TMEM178A: variants seen among roughly 807,000 people sequenced by gnomAD.
The protein encoded by TMEM178A is transmembrane protein 178.
A neutral mutation model predicts 29.1 loss-of-function variants in TMEM178A; 12 were observed. That is an observed-to-expected ratio of 0.41 (90% confidence interval 0.26 to 0.67). The LOEUF (loss-of-function observed/expected upper bound fraction) is 0.67. Ranked by LOEUF, TMEM178A falls within the 30% of genes least tolerant of loss-of-function variation. TMEM178A has a pLI of 0.29. For synonymous variants in TMEM178A, 210 were observed against 187.2 expected, an observed-to-expected ratio of 1.12 and a Z score of -0.99; for missense variants, 366 against 419.1, an observed-to-expected ratio of 0.87 and a Z score of 1.11.
At chr2:39,681,788 T>C (rs2148067347) in intron 1 of TMEM178A, among the ~76,000 whole-genome samples, 1 of 152,336 alleles carries the variant, frequency 6.6e-6, no homozygotes, top group Middle Eastern at 3.4e-3. Context: ...CAACTTTCTC[T>C]CACAAAACTC....
chr2:39,677,704 C>T (rs1670688219), intron 1 of TMEM178A, among the ~76,000 whole-genome samples: 1 of 151,924 alleles, frequency 6.6e-6, no homozygotes, highest in African/African-American at 2.4e-5. Flanking sequence ...AAGTCAAAAC[C>T]TTTCCAGCAA....
chr2:39,709,567 G>A (rs899618720), intron 3 of TMEM178A, among the ~76,000 whole-genome samples: 1 of 152,092 alleles, frequency 6.6e-6, no homozygotes, highest in Non-Finnish European at 1.5e-5. Flanking sequence ...AAGCAGACGC[G>A]GGCAGCAAAG....
At chr2:39,706,987 T>C (rs538040203) in intron 2 of TMEM178A, 62 bp from the exon 3 acceptor site, 1 of 1,549,028 alleles carries the variant, frequency 6.5e-7, no homozygotes, top group Admixed American at 2.0e-5. Flanking sequence ...GCCCTAATTC[T>C]CTAATTCTTA....
At chr2:39,703,883 T>C (rs775945139) in intron 1 of TMEM178A, among the ~76,000 whole-genome samples, 198 bp from the exon 2 acceptor site, 18 of 152,226 alleles carry the variant, frequency 1.2e-4, no homozygotes, top group Non-Finnish European at 1.9e-4. Context: ...GTATAGATCC[T>C]TATACAATTT....
At chr2:39,728,488 C>T in the TMEM178A span, among the ~76,000 whole-genome samples, 1 of 152,118 alleles carries the variant, frequency 6.6e-6, no homozygotes, top group Non-Finnish European at 1.5e-5. Flanking sequence ...CTGGGCCACA[C>T]TCTGTACCCT....
intron 1 of TMEM178A, among the ~76,000 whole-genome samples, chr2:39,685,238 C>A (rs1342661168): frequency 6.6e-6 from 1 of 152,148 alleles, no homozygotes; most frequent in East Asian, 1.9e-4. Flanking sequence ...TCTCCACAGC[C>A]CAGGCCTGCA....
intron 1 of TMEM178A, among the ~76,000 whole-genome samples, chr2:39,668,605 T>G (rs886295875): frequency 5.9e-5 from 9 of 152,220 alleles, no homozygotes; most frequent in African/African-American, 2.2e-4. Context: ...TTAATAACAA[T>G]GTAAATTTAG....
intron 1 of TMEM178A, among the ~76,000 whole-genome samples, chr2:39,689,764 A>G (rs977854734): frequency 6.6e-6 from 1 of 152,250 alleles, no homozygotes; most frequent in Non-Finnish European, 1.5e-5. Context: ...CCTGAAAGCC[A>G]CACAAAAACA....
intron 3 of TMEM178A, among the ~76,000 whole-genome samples, chr2:39,716,040 T>C (rs1020348287): frequency 1.3e-5 from 2 of 152,206 alleles, no homozygotes; most frequent in Admixed American, 6.5e-5. Flanking sequence ...AGTCAATAAA[T>C]GTTGTCTCTG....
At chr2:39,734,830 T>G in the TMEM178A span, among the ~76,000 whole-genome samples, 1 of 152,182 alleles carries the variant, frequency 6.6e-6, no homozygotes, top group Non-Finnish European at 1.5e-5. Context: ...CTTCAGTCAT[T>G]CCTGTCTCCT....
At chr2:39,707,694 G>A (rs1039935309) in intron 3 of TMEM178A, among the ~76,000 whole-genome samples, 1 of 152,162 alleles carries the variant, frequency 6.6e-6, no homozygotes, top group African/African-American at 2.4e-5. Flanking sequence ...TCGAACTCCT[G>A]ACCTCAGGTG....
chr2:39,690,813 A>G (rs1479273000), intron 1 of TMEM178A, among the ~76,000 whole-genome samples: 3 of 152,260 alleles, frequency 2.0e-5, no homozygotes. Context: ...TCTGTAAACT[A>G]CAAGAGAACG....
rs192303039 is a variant in TMEM178A at position 39,685,059 on chromosome 2, T to C, written c.400+18685T>C. On this transcript the variant is annotated intron_variant, in intron 1 of 3. Transcript: ENST00000281961. ...TGCAAGGGCCACAGTAAAATGTTTT[T>C]TGCTTGTTTTAAAAAATCAATTCTG... 5.3e-5 allele frequency among the ~76,000 whole-genome samples: 8 copies of C among 152,368 alleles called. No individual in the cohort carries two copies. In the East Asian group the frequency reaches 1.5e-3, roughly 29 times the overall value.
intron 1 of TMEM178A, among the ~76,000 whole-genome samples, chr2:39,683,628 A>G (rs2148069721): frequency 6.6e-6 from 1 of 152,334 alleles, no homozygotes; most frequent in South Asian, 2.1e-4. Context: ...GAAGTGTTGG[A>G]AAAAGCCACG....
chr2:39,725,426 A>G, the TMEM178A span, among the ~76,000 whole-genome samples: 1 of 152,202 alleles, frequency 6.6e-6, no homozygotes, highest in Non-Finnish European at 1.5e-5. Context: ...GTGTTGCACG[A>G]TTCCATACAT....
chr2:39,728,986 C>A, the TMEM178A span, among the ~76,000 whole-genome samples: 221 of 152,192 alleles, frequency 1.5e-3, 1 homozygote, highest in African/African-American at 5.2e-3. Flanking sequence ...ATGTGCAGAG[C>A]CTGCAGGGCA....
At chr2:39,719,729 T>G (rs1672666951), downstream of TMEM178A, among the ~76,000 whole-genome samples, 1 of 152,146 alleles carries the variant, frequency 6.6e-6, no homozygotes, top group Non-Finnish European at 1.5e-5. Context: ...CACACCCCCC[T>G]TTTTAACAGA....
intron 1 of TMEM178A, among the ~76,000 whole-genome samples, chr2:39,676,469 T>G (rs1670628485): frequency 6.6e-6 from 1 of 152,236 alleles, no homozygotes; most frequent in Non-Finnish European, 1.5e-5. Context: ...TTCCGATGTC[T>G]TCTTTTACAA....
chr2:39,727,124 A>G, the TMEM178A span, among the ~76,000 whole-genome samples: 3 of 152,062 alleles, frequency 2.0e-5, no homozygotes, highest in African/African-American at 7.2e-5. Flanking sequence ...TCATCCCTCC[A>G]TTTCCAAAGG....
Sources: allele counts gnomAD v4.1 joint callset (sites outside exome capture counted in the v4.1 genomes callset), GRCh38; gene constraint gnomAD v4.1.1; transcripts MANE v1.5; gene names NCBI Gene and HGNC (gene_info 2026-07-23, HGNC 2026-07-21).